ZNF254: variants seen among roughly 807,000 people sequenced by gnomAD.
ZNF254 encodes zinc finger protein 254.
Under a neutral mutation model 12.4 loss-of-function variants are expected in ZNF254, and 10 were observed. That is an observed-to-expected ratio of 0.80 (90% CI 0.50 to 1.36). The LOEUF (loss-of-function observed/expected upper bound fraction) is 1.36. ZNF254 is among the 40% of genes most tolerant of loss of function. The probability of loss-of-function intolerance (pLI) is 0.00; values close to 1 mark genes in which losing one functional copy is unlikely to be tolerated. For synonymous variants in ZNF254, 305 were observed against 253.4 expected (o/e 1.20, Z -1.93); for missense variants, 996 against 763.9 (o/e 1.30, Z -3.58).
At chr19:24,044,422 C>T (rs1190204885) in intron 1 of ZNF254, among the ~76,000 whole-genome samples, 1 of 150,950 alleles carries the variant, frequency 6.6e-6, no homozygotes, top group African/African-American at 2.4e-5. Flanking sequence ...CCTGTAGTCC[C>T]AGCTACTTGG....
intron 3 of ZNF254, among the ~76,000 whole-genome samples, chr19:24,121,501 A>G (rs1213863510): frequency 1.3e-5 from 2 of 152,086 alleles, no homozygotes; most frequent in African/African-American, 4.8e-5. Flanking sequence ...TGAATCAGCC[A>G]TATGTCTTTT....
At position 24,127,070 on chromosome 19, in the gene ZNF254, A is replaced by C; in HGVS notation, c.1070A>C (p.Lys357Thr). 4 of 1,613,674 alleles carry C rather than the reference A, an allele frequency of 2.5e-6. No individual in the cohort carries two copies. The highest frequency in any genetic ancestry group is 3.4e-6 in the Non-Finnish European group (4 of 1,179,850). Residue 357 changes from lysine (K) to threonine (T), a missense_variant, in exon 4 of 4, where the codon AAA becomes ACA. Lys to Thr is a moderately conservative substitution (Grantham distance 78). Transcript: ENST00000357002. The stretch of plus-strand genomic sequence containing the variant: ...CCCTACAAATGTGAAGAATGTGGCA[A>C]AGCTTTTAGCCAGTCCTCAACCCTT... ...EKPYKCEECG[K>T]AFSQSSTLTT...
upstream of ZNF254, among the ~76,000 whole-genome samples, chr19:24,083,106 T>G (rs568382246): frequency 3.3e-5 from 5 of 152,238 alleles, no homozygotes; most frequent in Non-Finnish European, 7.4e-5. Flanking sequence ...TCTGATCAAT[T>G]CAGTAAAGTT....
chr19:24,113,035 A>G (rs1249314941), intron 3 of ZNF254, among the ~76,000 whole-genome samples: 1 of 152,212 alleles, frequency 6.6e-6, no homozygotes, highest in Non-Finnish European at 1.5e-5. Context: ...TGTGGCAATA[A>G]TCAAGAGCTT....
chr19:24,066,633 G>A (rs1971278542), intron 2 of ZNF254: 1 of 152,116 alleles, frequency 6.6e-6, no homozygotes, highest in Non-Finnish European at 1.5e-5. Context: ...AGATCACAAA[G>A]TCAGGAGTTC....
chr19:24,123,566 A>G lies in ZNF254; in HGVS notation c.254-2688A>G, dbSNP rs1384238820. 4.6e-5 allele frequency among the ~76,000 whole-genome samples: 7 copies of G among 152,022 alleles called. No individual in the cohort carries two copies. The South Asian group carries it at 1.5e-3, about 32-fold the overall frequency. ...CTTCCATTCTGTCAATATTTGCTTT[A>G]TATATTTGGAACCCTAATGTGAGAC... On this transcript the variant is annotated intron_variant, in intron 3 of 3. Transcript: ENST00000357002.
Position 24,126,416 on chromosome 19 carries a change from A to G in ZNF254, c.416A>G (p.Tyr139Cys). 1.2e-6 allele frequency: 2 copies of G among 1,604,040 alleles called. No homozygotes were observed. Among genetic ancestry groups the G allele is most frequent in the Non-Finnish European group, 1.7e-6 (2 of 1,177,278 alleles). ...VDEYKVNKEG[Y>C]NGLNQCFTTA... is the part of the protein sequence containing the mutation. ...GAGTATAAGGTGAACAAAGAAGGTT[A>G]TAATGGACTTAACCAGTGTTTCACA... Residue 139 changes from tyrosine (Y) to cysteine (C), a missense_variant, in exon 4 of 4, where the codon TAT becomes TGT. By Grantham distance (194) the Tyr-to-Cys change is radical. Transcript: ENST00000357002.
intron 2 of ZNF254, among the ~76,000 whole-genome samples, chr19:24,053,084 C>A (rs1403119314): frequency 6.6e-6 from 1 of 152,196 alleles, no homozygotes; most frequent in Admixed American, 6.5e-5. Flanking sequence ...ACACAGCTCA[C>A]TGTTGAGGTT....
At chr19:24,116,489 A>G (rs10415618) in intron 3 of ZNF254, among the ~76,000 whole-genome samples, 48,155 of 151,796 alleles carry the variant, frequency 0.32, 9,511 homozygotes, top group African/African-American at 0.56. Context: ...TGATTGCATC[A>G]GCTCCTGAGG....
intron 1 of ZNF254, among the ~76,000 whole-genome samples, chr19:24,045,003 A>G (rs1391628934): frequency 6.6e-6 from 1 of 152,208 alleles, no homozygotes; most frequent in Non-Finnish European, 1.5e-5. Context: ...TCTAATAACT[A>G]TGATACCGTA....
At chr19:24,055,205 CAAAAA>C (rs71167733) in intron 2 of ZNF254, among the ~76,000 whole-genome samples, 68 of 28,322 alleles carry the variant, frequency 2.4e-3, no homozygotes, top group African/African-American at 0.011. Flanking sequence ...TCTGTCTCAC[CAAAAA>C]AAAAAAAAAA....
intron 2 of ZNF254, among the ~76,000 whole-genome samples, chr19:24,053,478 G>T (rs1970723735): frequency 6.6e-6 from 1 of 151,822 alleles, no homozygotes. Flanking sequence ...CCATATTTCT[G>T]GACCCAGCAT....
At chr19:24,121,717 C>G (rs1446872383) in intron 3 of ZNF254, among the ~76,000 whole-genome samples, 2 of 152,102 alleles carry the variant, frequency 1.3e-5, no homozygotes, top group South Asian at 4.1e-4. Context: ...ACTACCAAGC[C>G]TGGATAATTA....
At chr19:24,037,503 G>A (rs959704111) in intron 1 of ZNF254, among the ~76,000 whole-genome samples, 4 of 152,076 alleles carry the variant, frequency 2.6e-5, no homozygotes, top group African/African-American at 9.7e-5. Context: ...GCACAATCTC[G>A]GCTTACTGCA....
At position 24,090,215 on chromosome 19, in the gene ZNF254, G is replaced by T. The variant is rs945750732; in HGVS notation, c.30+2878G>T. The stretch of plus-strand genomic sequence containing the variant: ...TCCATTTCAAAAACAAAAACAAACC[G>T]CAAAAAACTGACCCCAGTGAGATGG... On this transcript the variant is annotated intron_variant, in intron 1 of 3. Coordinates refer to ENST00000357002, the MANE Select transcript of ZNF254 (RefSeq NM_203282.4). Among the ~76,000 whole-genome samples the T allele has an allele frequency of 2.6e-5, 4 of 151,482 alleles. No individual in the cohort carries two copies. In the East Asian group the frequency reaches 5.8e-4, roughly 22 times the overall value.
intron 2 of ZNF254, among the ~76,000 whole-genome samples, chr19:24,057,094 CAG>C (rs1471839029): frequency 6.6e-6 from 1 of 152,130 alleles, no homozygotes; most frequent in African/African-American, 2.4e-5. Flanking sequence ...TTAGGAAGGT[CAG>C]AGAAAATTAC....
At chr19:24,124,317 A>G (rs2145990099) in intron 3 of ZNF254, among the ~76,000 whole-genome samples, 1 of 152,242 alleles carries the variant, frequency 6.6e-6, no homozygotes, top group Non-Finnish European at 1.5e-5. Context: ...ATTAATGAAT[A>G]TTTAAAATGT....
chr19:24,063,549 G>A (rs1028835484), intron 2 of ZNF254, among the ~76,000 whole-genome samples: 2 of 152,072 alleles, frequency 1.3e-5, no homozygotes, highest in Admixed American at 6.5e-5. Flanking sequence ...TGAGTCCAAC[G>A]ACCAGGTGAT....
chr19:24,081,812 G>A (rs1971854248), intron 2 of ZNF254, among the ~76,000 whole-genome samples: 1 of 152,204 alleles, frequency 6.6e-6, no homozygotes, highest in South Asian at 2.1e-4. Flanking sequence ...AGGCAATCAA[G>A]GTTTCTAAAC....
Sources: allele counts gnomAD v4.1 joint callset (sites outside exome capture counted in the v4.1 genomes callset), GRCh38; gene constraint gnomAD v4.1.1; transcripts MANE v1.5; gene names NCBI Gene and HGNC (gene_info 2026-07-23, HGNC 2026-07-21).